The following PRDM6 variants were observed in gnomAD, a reference collection of about 807,000 sequenced individuals.
PRDM6 encodes PR/SET domain 6.
A neutral mutation model predicts 60.8 loss-of-function variants in PRDM6; 25 were observed. The ratio of observed to expected loss-of-function variants is 0.41; its 90% CI spans 0.30 to 0.57. PRDM6 has a LOEUF of 0.57. Among genes scored for constraint, PRDM6 ranks in the 20% least tolerant of loss-of-function variants. PRDM6 has a pLI of 0.27. For missense variants in PRDM6, 839 were observed against 821.3 expected, an observed-to-expected ratio of 1.02 and a Z score of -0.26; for synonymous variants, 407 against 357.4, an observed-to-expected ratio of 1.14 and a Z score of -1.57.
Position 123,146,265 on chromosome 5 carries a change from A to T in PRDM6, c.901-9619A>T, listed in dbSNP as rs1003270509. Among the ~76,000 whole-genome samples, 3 of 152,334 alleles carry T rather than the reference A, an allele frequency of 2.0e-5. No homozygotes were observed. In the East Asian group the frequency reaches 5.8e-4, roughly 29 times the overall value. On this transcript the variant is annotated intron_variant, in intron 3 of 7. Coordinates refer to ENST00000407847, the MANE Select transcript of PRDM6 (RefSeq NM_001136239.4). ...TGTACCCACTAGACTATATAAACCA[A>T]AATTTCTGCTACAATAAAGAGTTAA...
At chr5:123,179,941 C>T (rs755185601) in intron 6 of PRDM6, among the ~76,000 whole-genome samples, 14 of 152,090 alleles carry the variant, frequency 9.2e-5, no homozygotes, top group Non-Finnish European at 1.8e-4. Flanking sequence ...GGTATTCATT[C>T]GGGAATTGAT....
At position 123,090,205 on chromosome 5, in the gene PRDM6, C is replaced by T; in HGVS notation, c.191C>T (p.Pro64Leu). 2.0e-6 allele frequency: 3 copies of T among 1,480,900 alleles called. No individual in the cohort carries two copies. Among genetic ancestry groups the T allele is most frequent in the East Asian group, 3.0e-5 (1 of 33,310 alleles). The allele number at this position is 1,480,900 out of a possible 1,614,324, so 91.7% of individuals were successfully genotyped here. A position where few individuals can be genotyped will look rare whatever the true frequency, so the allele number is the denominator to read the frequency against. Residue 64 changes from proline to leucine, a missense_variant, in exon 2 of 8, where the codon CCT (proline) becomes CTT (leucine). This residue lies in a region of PRDM6 where 730 missense variants were observed against 648.8 expected (regional missense o/e 1.13). Transcript: ENST00000407847. ...CCCCCGCCCCCGGAGCGCGCTGAGC[C>T]TCCGCCGGACAGCCTGCGCCCGCGG... The part of the protein sequence containing the change: ...PPPPPPERAE[P>L]PPDSLRPRPA...
Position 123,153,681 on chromosome 5 carries a change from T to C in PRDM6, c.901-2203T>C, listed in dbSNP as rs200913706. On this transcript the variant is annotated intron_variant, in intron 3 of 7. Coordinates refer to ENST00000407847, the MANE Select transcript of PRDM6 (RefSeq NM_001136239.4). Reference sequence around the variant, plus strand: ...CAGGCAAAAATTGTAGATTTCCTTGTAGTCACGATATACTTAGTTAAGATT... The same window carrying C: ...CAGGCAAAAATTGTAGATTTCCTTGCAGTCACGATATACTTAGTTAAGATT... 2.0e-5 allele frequency among the ~76,000 whole-genome samples: 3 copies of C among 152,182 alleles called. No homozygotes were observed. The East Asian group carries it at 5.8e-4, about 29-fold the overall frequency.
At chr5:123,142,117 G>A (rs111566726) in intron 3 of PRDM6, among the ~76,000 whole-genome samples, 135 of 152,182 alleles carry the variant, frequency 8.9e-4, no homozygotes, top group Non-Finnish European at 1.3e-3. Flanking sequence ...TTGCGACTTA[G>A]GTTATCCCAC....
At position 123,099,996 on chromosome 5, in the gene PRDM6, G is replaced by A; in HGVS notation, c.900+35G>A. The A allele has an allele frequency of 1.4e-6, 2 of 1,464,676 alleles. No individual in the cohort carries two copies. Among genetic ancestry groups the A allele is most frequent in the East Asian group, 2.6e-5 (1 of 39,036 alleles). The allele number at this position is 1,464,676 out of a possible 1,614,324, so 90.7% of individuals were successfully genotyped here. A position where few individuals can be genotyped will look rare whatever the true frequency, so the allele number is the denominator to read the frequency against. Reference sequence around the variant, plus strand: ...CGGCTGCACAGCGCCTCCCCACCGAGCAGGAGCCTTGGCCAGCAGGGAGCC... The same window carrying A: ...CGGCTGCACAGCGCCTCCCCACCGAACAGGAGCCTTGGCCAGCAGGGAGCC... On this transcript the variant is annotated intron_variant, in intron 3 of 7. Transcript: ENST00000407847. The surrounding 1 kb of genome is among the most constrained non-coding windows in gnomAD (Gnocchi z 4.0).
At chr5:123,136,482 A>G (rs1764955930) in intron 3 of PRDM6, among the ~76,000 whole-genome samples, 1 of 152,228 alleles carries the variant, frequency 6.6e-6, no homozygotes, top group Non-Finnish European at 1.5e-5. Flanking sequence ...TGTAGAAAGA[A>G]TGAAAATATA....
At position 123,142,877 on chromosome 5, in the gene PRDM6, C is replaced by CAAAAAAAAAAA; in HGVS notation, c.901-12992_901-12982dup. Among the ~76,000 whole-genome samples the CAAAAAAAAAAA allele has an allele frequency of 1.2e-3, 32 of 27,356 alleles. 2 individuals carry two copies. Among genetic ancestry groups the CAAAAAAAAAAA allele is most frequent in the Non-Finnish European group, 1.4e-3 (22 of 15,582 alleles). The allele number at this position is 27,356 out of a possible 152,430, so 17.9% of individuals were successfully genotyped here. ...TTCAAAATGAAAGCACAGTGAAGACCAAAAAAAAAAAAAAAAAAAAAAAAA... is the reference window on the plus strand; with the variant it reads ...TTCAAAATGAAAGCACAGTGAAGACCAAAAAAAAAAAAAAAAAAAAAAAAAAAAAAAAAAAA... On this transcript the variant is annotated intron_variant, in intron 3 of 7. Transcript: ENST00000407847.
At chr5:123,109,854 C>G (rs951572680) in intron 3 of PRDM6, among the ~76,000 whole-genome samples, 4 of 152,142 alleles carry the variant, frequency 2.6e-5, no homozygotes, top group Non-Finnish European at 5.9e-5. Context: ...CATAAGGAAG[C>G]CCTAACATGT....
At position 123,091,607 on chromosome 5, in the gene PRDM6, G is replaced by T. The variant is rs561053235; in HGVS notation, c.592+1001G>T. 1.1e-3 allele frequency among the ~76,000 whole-genome samples: 162 copies of T among 152,338 alleles called. No individual in the cohort carries two copies. In the Middle Eastern group the frequency reaches 0.017, roughly 16 times the overall value. On this transcript the variant is annotated intron_variant, in intron 2 of 7. Coordinates refer to ENST00000407847, the MANE Select transcript of PRDM6 (RefSeq NM_001136239.4). The stretch of plus-strand genomic sequence containing the variant: ...TACCTGCTTCTTTTTGATAATTTCA[G>T]AAGTTATACTGTGTTTACACCTATA...
intron 7 of PRDM6, among the ~76,000 whole-genome samples, chr5:123,184,433 G>A (rs555829143): frequency 5.5e-4 from 83 of 152,212 alleles, no homozygotes; most frequent in Non-Finnish European, 7.8e-4. Context: ...AGATACTCCC[G>A]TCAAGGCTGT....
rs561011670 is a variant in PRDM6 at position 123,187,529 on chromosome 5, G to A, written c.*328G>A. On this transcript the variant is annotated 3_prime_UTR_variant, in exon 8 of 8. Transcript: ENST00000407847. The stretch of plus-strand genomic sequence containing the variant: ...TTATTTAATACCAAAGGGAGGAATC[G>A]TATGGGTTCTTCTGCCCACCGTTGT... 577 of 228,310 alleles carry A rather than the reference G, an allele frequency of 2.5e-3. 11 individuals are homozygous for A. The South Asian group carries it at 0.027, about 11-fold the overall frequency. The allele number at this position is 228,310 out of a possible 1,614,324, so 14.1% of individuals were successfully genotyped here. A position where few individuals can be genotyped will look rare whatever the true frequency, so the allele number is the denominator to read the frequency against.
intron 2 of PRDM6, among the ~76,000 whole-genome samples, chr5:123,092,377 T>C (rs1763860236): frequency 6.6e-6 from 1 of 152,210 alleles, no homozygotes; most frequent in Admixed American, 6.5e-5. Context: ...GAATTAAATA[T>C]ATGCTAGAGA....
intron 3 of PRDM6, among the ~76,000 whole-genome samples, chr5:123,146,609 G>T (rs1161884398): frequency 6.6e-6 from 1 of 152,132 alleles, no homozygotes; most frequent in Non-Finnish European, 1.5e-5. Context: ...TGTTGTTGTT[G>T]TTGTTGTTTC....
chr5:123,127,574 A>G (rs1245779975), intron 3 of PRDM6, among the ~76,000 whole-genome samples: 1 of 152,218 alleles, frequency 6.6e-6, no homozygotes, highest in East Asian at 1.9e-4. Flanking sequence ...TTCAAGTTTT[A>G]TTAACTTTTA....
chr5:123,140,138 G>T (rs565103227), intron 3 of PRDM6, among the ~76,000 whole-genome samples: 1 of 151,458 alleles, frequency 6.6e-6, no homozygotes, highest in African/African-American at 2.4e-5. Context: ...TAATTACCGC[G>T]GCTTATGAAA....
Position 123,187,583 on chromosome 5 carries a change from C to T in PRDM6, c.*382C>T, listed in dbSNP as rs535412794. The T allele has an allele frequency of 7.4e-4, 137 of 185,624 alleles. No homozygotes were observed. The highest frequency in any genetic ancestry group is 1.2e-3 in the Non-Finnish European group (109 of 87,734). 11.5% of individuals were successfully genotyped at this position (185,624 alleles called of 1,614,324 possible). A position where few individuals can be genotyped will look rare whatever the true frequency, so the allele number is the denominator to read the frequency against. ...TAAGAATGCACAGGGACTTGGTTCT[C>T]GTTGCACCTTTTTTTAGTAACATGT... On this transcript the variant is annotated 3_prime_UTR_variant, in exon 8 of 8. Transcript: ENST00000407847.
chr5:123,122,426 T>G (rs550123773), intron 3 of PRDM6, among the ~76,000 whole-genome samples: 11 of 152,262 alleles, frequency 7.2e-5, no homozygotes, highest in African/African-American at 2.6e-4. Context: ...TGTAAACATT[T>G]TATTTATTGG....
At chr5:123,123,559 T>C (rs1175574228) in intron 3 of PRDM6, among the ~76,000 whole-genome samples, 4 of 152,222 alleles carry the variant, frequency 2.6e-5, no homozygotes, top group Non-Finnish European at 5.9e-5. Flanking sequence ...ATAAACTTTC[T>C]CAATTGTCTT....
intron 5 of PRDM6, among the ~76,000 whole-genome samples, chr5:123,162,790 C>T (rs370139178): frequency 8.5e-5 from 13 of 152,184 alleles, no homozygotes; most frequent in Non-Finnish European, 1.9e-4. Context: ...TTCATCAGAT[C>T]GTGTGGGGGA....
Sources: gnomAD v4.1 joint callset for allele counts (sites outside exome capture counted in the v4.1 genomes callset) on GRCh38, gnomAD v4.1.1 for gene constraint, gnomAD v4.1.1 regional missense constraint, Gnocchi (gnomAD v3.1) non-coding constraint, MANE v1.5 for transcripts, NCBI Gene and HGNC (gene_info 2026-07-23, HGNC 2026-07-21) for gene names.